The following IFI16 variants were observed in gnomAD, a reference collection of about 807,000 sequenced individuals.
IFI16 encodes the protein interferon gamma inducible protein 16.
A neutral mutation model predicts 68.4 loss-of-function variants in IFI16; 49 were observed. That is an observed-to-expected ratio of 0.72 (90% CI 0.57 to 0.91). The LOEUF is 0.91. Among genes scored for constraint, IFI16 ranks in the 40% least tolerant of loss-of-function variants. IFI16 has a pLI of 0.00. For missense variants in IFI16, 878 were observed against 942.9 expected, an observed-to-expected ratio of 0.93 and a Z score of 0.90; for synonymous variants, 307 against 315.0, an observed-to-expected ratio of 0.97 and a Z score of 0.27.
At chr1:159,044,506 C>G (rs1173369485) in intron 7 of IFI16, among the ~76,000 whole-genome samples, 1 of 152,070 alleles carries the variant, frequency 6.6e-6, no homozygotes, top group African/African-American at 2.4e-5. Flanking sequence ...GTGTACCTCT[C>G]TATCAACAAT....
chr1:159,003,303 T>C (rs2101772278), upstream of IFI16, among the ~76,000 whole-genome samples: 1 of 152,382 alleles, frequency 6.6e-6, no homozygotes, highest in East Asian at 1.9e-4. Context: ...TTTTTCACGA[T>C]AATTTAACTG....
At chr1:159,035,977 G>A (rs781699281) in intron 7 of IFI16, among the ~76,000 whole-genome samples, 10 of 152,158 alleles carry the variant, frequency 6.6e-5, no homozygotes, top group East Asian at 1.9e-4. Flanking sequence ...AGGTACTCTC[G>A]TGAATAAGTG....
At chr1:159,035,161 A>T (rs72709519) in intron 7 of IFI16, among the ~76,000 whole-genome samples, 5,570 of 151,360 alleles carry the variant, frequency 0.037, 115 homozygotes, top group Non-Finnish European at 0.047. Context: ...CTCTATTTTG[A>T]TTTTTTTTTG....
Position 159,051,988 on chromosome 1 carries a change from A to G in IFI16, c.1975A>G (p.Met659Val), listed in dbSNP as rs1256999112. The G allele has an allele frequency of 6.2e-7, 1 of 1,614,166 alleles. No individual in the cohort carries two copies. Among genetic ancestry groups the G allele is most frequent in the South Asian group, 1.1e-5 (1 of 91,082 alleles). Residue 659 changes from methionine (M) to valine (V), a missense_variant, in exon 10 of 12, where the codon ATG becomes GTG. Met to Val is a conservative substitution (Grantham distance 21, BLOSUM62 1). Coordinates refer to ENST00000295809, the MANE Select transcript of IFI16 (RefSeq NM_001376587.1). ...LVADVNADRNMEIPKGLIRSA... is the reference protein window; with the variant it reads ...LVADVNADRNVEIPKGLIRSA... ...GGCTGATGTGAATGCTGACCGAAAC[A>G]TGGAGATCCCAAAAGGATTGATTAG...
chr1:159,005,038 T>C (rs1374446454), upstream of IFI16, among the ~76,000 whole-genome samples: 1 of 152,028 alleles, frequency 6.6e-6, no homozygotes, highest in Non-Finnish European at 1.5e-5. Context: ...AAATGGGAGG[T>C]ATTTAGATCA....
intron 11 of IFI16, among the ~76,000 whole-genome samples, chr1:159,054,365 T>A (rs1213860604): frequency 6.6e-6 from 1 of 152,216 alleles, no homozygotes; most frequent in African/African-American, 2.4e-5. Context: ...AAACAAAGGC[T>A]GACATATTCA....
At chr1:159,031,634 T>G (rs856052) in intron 6 of IFI16, among the ~76,000 whole-genome samples, 106,800 of 152,112 alleles carry the variant, frequency 0.7, 40,245 homozygotes, top group Admixed American at 0.84. Context: ...TGTATGTTCA[T>G]GGGTGGATGA....
chr1:159,014,788 T>C lies in IFI16; in HGVS notation c.108T>C (p.Asn36=). The C allele has an allele frequency of 1.2e-6, 2 of 1,613,934 alleles. No homozygotes were observed. The highest frequency in any genetic ancestry group is 1.7e-6 in the Non-Finnish European group (2 of 1,179,784). The part of the protein sequence containing the change: ...KSLLSNDLKL[N]LKMREEYDKI... The stretch of plus-strand genomic sequence containing the variant: ...TACTGAGCAACGATTTAAAACTTAA[T>C]TTAAAAATGAGAGAAGAGTATGACA... Residue 36 remains asparagine (N), a synonymous_variant, in exon 2 of 12, where the codon AAT becomes AAC. Transcript: ENST00000295809.
At chr1:159,006,126 A>T (rs1352749898), upstream of IFI16, 1 of 152,224 alleles carries the variant, frequency 6.6e-6, no homozygotes, top group Non-Finnish European at 1.5e-5. Flanking sequence ...CCTTGTGCTT[A>T]TATTGTTGTA....
At chr1:159,002,809 A>G (rs1652108534), upstream of IFI16, among the ~76,000 whole-genome samples, 1 of 152,128 alleles carries the variant, frequency 6.6e-6, no homozygotes, top group African/African-American at 2.4e-5. Flanking sequence ...TAGGCATCCC[A>G]TCTAAGACTT....
chr1:159,018,486 T>C lies in IFI16; in HGVS notation c.807T>C (p.Ser269=). 1 of 1,613,830 alleles carries C rather than the reference T, an allele frequency of 6.2e-7. No homozygotes were observed. Among genetic ancestry groups the C allele is most frequent in the Non-Finnish European group, 8.5e-7 (1 of 1,179,720 alleles). Residue 269 remains serine (S), a synonymous_variant, in exon 5 of 12, where the codon AGT becomes AGC. Transcript: ENST00000295809. The part of the protein sequence containing the change: ...IIISDYLEYD[S]LLEVNEESTV... ...TATCAGATTATTTGGAATATGATAG[T>C]CTCCTAGAGGTCAATGAAGAATCTA... is the stretch of plus-strand genomic sequence containing the variant.
chr1:159,036,514 G>T (rs566748724), intron 7 of IFI16, among the ~76,000 whole-genome samples: 3 of 152,184 alleles, frequency 2.0e-5, no homozygotes, highest in African/African-American at 7.2e-5. Context: ...CAGCCTTAAT[G>T]AACTCTAAAG....
intron 10 of IFI16, chr1:159,053,326 G>C (rs1655474068): frequency 5.1e-6 from 2 of 393,852 alleles, no homozygotes; most frequent in Non-Finnish European, 9.0e-6. Context: ...AGCAGACAAA[G>C]AACTTCAACA....
At chr1:159,026,024 G>C (rs181499768) in intron 6 of IFI16, among the ~76,000 whole-genome samples, 1 of 152,090 alleles carries the variant, frequency 6.6e-6, no homozygotes, top group African/African-American at 2.4e-5. Flanking sequence ...TGTTCCATTG[G>C]TCTATATGCC....
At chr1:159,029,653 C>G (rs968949710) in intron 6 of IFI16, among the ~76,000 whole-genome samples, 1 of 151,058 alleles carries the variant, frequency 6.6e-6, no homozygotes, top group African/African-American at 2.4e-5. Flanking sequence ...TTAACATAAT[C>G]CCAAACTTCT....
At chr1:159,002,557 C>T (rs1652100859), upstream of IFI16, among the ~76,000 whole-genome samples, 1 of 151,490 alleles carries the variant, frequency 6.6e-6, no homozygotes, top group South Asian at 2.1e-4. Flanking sequence ...GTTACTATTA[C>T]CTCATACCAT....
chr1:159,002,445 A>G (rs1249335000), upstream of IFI16, among the ~76,000 whole-genome samples: 1 of 152,188 alleles, frequency 6.6e-6, no homozygotes, highest in African/African-American at 2.4e-5. Flanking sequence ...CTTTTCAACC[A>G]GAATATTGGC....
At chr1:159,000,675 G>A (rs747784971) in intron 1 of IFI16, among the ~76,000 whole-genome samples, 5 of 152,152 alleles carry the variant, frequency 3.3e-5, no homozygotes, top group Non-Finnish European at 5.9e-5. Flanking sequence ...AGTAGATAAA[G>A]CTCAATTTTT....
chr1:159,016,621 C>T lies in IFI16; in HGVS notation c.470C>T (p.Ala157Val), dbSNP rs753287577. 11 of 1,614,124 alleles carry T rather than the reference C, an allele frequency of 6.8e-6. No homozygotes were observed. Among genetic ancestry groups the T allele is most frequent in the Non-Finnish European group, 8.5e-6 (10 of 1,179,972 alleles). ...EQTQPPSPAGAGMSTAMGRSP... is the reference protein window; with the variant it reads ...EQTQPPSPAGVGMSTAMGRSP... ...ACTCAGCCTCCCTCTCCTGCAGGAG[C>T]CGGCATGTCCACAGCCATGGGCCGT... Residue 157 changes from alanine (A) to valine (V), a missense_variant, in exon 4 of 12, where the codon GCC becomes GTC. Physicochemically the swap from Ala to Val is moderately conservative, Grantham distance 64 (BLOSUM62 0). Coordinates refer to ENST00000295809, the MANE Select transcript of IFI16 (RefSeq NM_001376587.1).
Sources: allele counts gnomAD v4.1 joint callset (sites outside exome capture counted in the v4.1 genomes callset), GRCh38; gene constraint gnomAD v4.1.1; transcripts MANE v1.5; gene names NCBI Gene and HGNC (gene_info 2026-07-23, HGNC 2026-07-21).